The following NEDD4L variants were observed in gnomAD, a reference collection of about 807,000 sequenced individuals.
NEDD4L encodes NEDD4 like E3 ubiquitin protein ligase.
Under a neutral mutation model 148.9 loss-of-function variants are expected in NEDD4L, and 54 were observed. The ratio of observed to expected loss-of-function variants is 0.36; its 90% CI spans 0.29 to 0.45. The LOEUF is 0.45. NEDD4L is among the 20% of genes least tolerant of loss of function. NEDD4L has a pLI of 1.00. For synonymous variants in NEDD4L, 433 were observed against 440.7 expected, an observed-to-expected ratio of 0.98 and a Z score of 0.22; for missense variants, 856 against 1,233.8, an observed-to-expected ratio of 0.69 and a Z score of 4.59.
At chr18:58,355,577 C>T (rs893964924) in intron 18 of NEDD4L, among the ~76,000 whole-genome samples, 73 of 152,240 alleles carry the variant, frequency 4.8e-4, no homozygotes, top group Non-Finnish European at 5.3e-4. Flanking sequence ...TGTTTTAAGG[C>T]GCAATTTTTA....
chr18:58,156,595 C>A (rs377692262), intron 1 of NEDD4L, among the ~76,000 whole-genome samples: 57 of 152,202 alleles, frequency 3.7e-4, no homozygotes, highest in African/African-American at 1.1e-3. Flanking sequence ...ATTATCCTAC[C>A]CCCCACCGCC....
At chr18:58,080,428 G>A (rs2083372631) in intron 1 of NEDD4L, among the ~76,000 whole-genome samples, 1 of 152,246 alleles carries the variant, frequency 6.6e-6, no homozygotes, top group South Asian at 2.1e-4. Context: ...GGGCAGTAAA[G>A]TGGGATTATT....
At chr18:58,375,191 C>T (rs1045135960) in intron 24 of NEDD4L, among the ~76,000 whole-genome samples, 3 of 152,158 alleles carry the variant, frequency 2.0e-5, no homozygotes, top group African/African-American at 7.2e-5. Flanking sequence ...ACTCCCCGTC[C>T]TTGGCACGTC....
chr18:58,268,321 G>A (rs907725990), intron 5 of NEDD4L, among the ~76,000 whole-genome samples: 2 of 151,934 alleles, frequency 1.3e-5, no homozygotes, highest in Admixed American at 1.3e-4. Context: ...AGAGAAGGCA[G>A]ATGTTTCTTT....
intron 9 of NEDD4L, 68 bp from the exon 10 acceptor site, chr18:58,328,927 G>C: frequency 6.3e-7 from 1 of 1,585,716 alleles, no homozygotes. Context: ...CGTGAGCATT[G>C]AACTGTCATG....
At chr18:58,056,278 G>C (rs981690375) in intron 1 of NEDD4L, among the ~76,000 whole-genome samples, 3 of 152,252 alleles carry the variant, frequency 2.0e-5, no homozygotes, top group Non-Finnish European at 4.4e-5. Context: ...CCCAAAAAGT[G>C]ACAGCTGACA....
At chr18:58,315,021 T>G (rs1006811017) in intron 5 of NEDD4L, among the ~76,000 whole-genome samples, 23 of 152,314 alleles carry the variant, frequency 1.5e-4, no homozygotes, top group Admixed American at 6.5e-4. Flanking sequence ...CAGCACCAGG[T>G]AGGCTGGATT....
At chr18:58,084,671 T>TTGTGTGTGTGTGTG (rs55916532) in intron 1 of NEDD4L, among the ~76,000 whole-genome samples, 1,574 of 133,770 alleles carry the variant, frequency 0.012, 17 homozygotes, top group East Asian at 0.025. Context: ...TGTGGGGTTT[T>TTGTGTGTGTGTGTG]TGTGTGTGTG....
intron 22 of NEDD4L, among the ~76,000 whole-genome samples, chr18:58,369,303 G>C (rs1200340784): frequency 6.6e-6 from 1 of 152,168 alleles, no homozygotes; most frequent in Non-Finnish European, 1.5e-5. Flanking sequence ...AACCACTCAG[G>C]GTCTCAAGGA....
At chr18:58,222,569 A>G (rs936383795) in intron 2 of NEDD4L, among the ~76,000 whole-genome samples, 4 of 152,060 alleles carry the variant, frequency 2.6e-5, no homozygotes, top group Non-Finnish European at 5.9e-5. Context: ...TTACTGTCTC[A>G]TTTCATGGTG....
chr18:58,061,086 G>A (rs1977948), intron 1 of NEDD4L, among the ~76,000 whole-genome samples: 122,932 of 152,018 alleles, frequency 0.81, 50,263 homozygotes, highest in East Asian at 1. Context: ...GATTGTCACA[G>A]CTTAGGAGAT....
chr18:58,276,691 A>ATTATTATTATTATTAT (rs1555783364), intron 5 of NEDD4L, among the ~76,000 whole-genome samples: 1 of 89,664 alleles, frequency 1.1e-5, no homozygotes. Context: ...AATAATAATA[A>ATTATTATTATTATTAT]TAATATTATT....
intron 13 of NEDD4L, among the ~76,000 whole-genome samples, chr18:58,337,653 C>T (rs1335031562): frequency 6.6e-6 from 1 of 152,076 alleles, no homozygotes; most frequent in Non-Finnish European, 1.5e-5. Flanking sequence ...TCTTCTGGGA[C>T]ATGTTAATAA....
chr18:58,100,515 C>T (rs1369087977), intron 1 of NEDD4L, among the ~76,000 whole-genome samples: 10 of 152,164 alleles, frequency 6.6e-5, no homozygotes, highest in East Asian at 3.9e-4. Context: ...TCAAGTTTCA[C>T]GAATAGGATT....
intron 4 of NEDD4L, among the ~76,000 whole-genome samples, chr18:58,251,543 A>ATGTG (rs142558960): frequency 1.3e-5 from 2 of 151,172 alleles, no homozygotes; most frequent in African/African-American, 2.4e-5. Flanking sequence ...GTTTGTGTGT[A>ATGTG]TGTGTGTGTG....
intron 5 of NEDD4L, among the ~76,000 whole-genome samples, chr18:58,277,550 C>T (rs1309205472): frequency 6.6e-6 from 1 of 152,030 alleles, no homozygotes; most frequent in Non-Finnish European, 1.5e-5. Context: ...CCTGCTAGTT[C>T]ATGGGTCACC....
chr18:58,372,932 G>A (rs1262370051), intron 23 of NEDD4L, among the ~76,000 whole-genome samples: 1 of 152,148 alleles, frequency 6.6e-6, no homozygotes, highest in East Asian at 1.9e-4. Flanking sequence ...TCCAGAGTAG[G>A]TGCCTTCCAC....
intron 5 of NEDD4L, among the ~76,000 whole-genome samples, chr18:58,302,823 C>T (rs1055246970): frequency 1.3e-5 from 2 of 152,240 alleles, no homozygotes; most frequent in Non-Finnish European, 2.9e-5. Flanking sequence ...CTCCATGCCC[C>T]AGGCCTGGGA....
chr18:58,319,046 A>G (rs1427434472), intron 6 of NEDD4L, among the ~76,000 whole-genome samples: 1 of 152,226 alleles, frequency 6.6e-6, no homozygotes, highest in East Asian at 1.9e-4. Flanking sequence ...CAGCTGACCA[A>G]CATCCTTTTA....
Sources: allele counts gnomAD v4.1 joint callset (sites outside exome capture counted in the v4.1 genomes callset), GRCh38; gene constraint gnomAD v4.1.1; transcripts MANE v1.5; gene names NCBI Gene and HGNC (gene_info 2026-07-23, HGNC 2026-07-21).